The following BRINP2 variants were observed in gnomAD, a reference collection of about 807,000 sequenced individuals.
BRINP2 encodes the protein BMP/retinoic acid inducible neural specific 2, also known as BMP/retinoic acid-inducible neural-specific protein 2.
BRINP2 carries 21 observed loss-of-function variants against 69.2 expected under a neutral mutation model. The observed-to-expected ratio is 0.30, with a 90% CI of 0.22 to 0.44. BRINP2 has a LOEUF of 0.44. BRINP2 is among the 20% of genes least tolerant of loss of function. BRINP2 has a pLI of 1.00. For synonymous variants in BRINP2, 380 were observed against 394.1 expected (o/e 0.96, Z 0.42); for missense variants, 877 against 986.0 (o/e 0.89, Z 1.48).
chr1:177,200,046 C>T (rs965392852), intron 1 of BRINP2, among the ~76,000 whole-genome samples: 4 of 152,038 alleles, frequency 2.6e-5, no homozygotes, highest in African/African-American at 9.7e-5. Context: ...AATCCCAGCA[C>T]TTTGGGAGTC....
At chr1:177,255,388 C>T (rs890112860) in intron 2 of BRINP2, among the ~76,000 whole-genome samples, 9 of 152,126 alleles carry the variant, frequency 5.9e-5, no homozygotes, top group African/African-American at 2.2e-4. Context: ...AATGGTAAAT[C>T]TCAATAGCTC....
intron 7 of BRINP2, 81 bp downstream of exon 7, chr1:177,278,866 A>G: frequency 7.3e-7 from 1 of 1,375,252 alleles, no homozygotes; most frequent in Non-Finnish European, 1.0e-6. Context: ...CCTCTGTCCA[A>G]TGTAGGGGAT....
intron 1 of BRINP2, among the ~76,000 whole-genome samples, chr1:177,219,372 A>G (rs749022930): frequency 1.3e-4 from 20 of 152,324 alleles, no homozygotes; most frequent in African/African-American, 4.1e-4. Context: ...CAAACAAAGC[A>G]CTTAGTGGTG....
At chr1:177,199,959 T>C (rs1285611855) in intron 1 of BRINP2, among the ~76,000 whole-genome samples, 1 of 152,172 alleles carries the variant, frequency 6.6e-6, no homozygotes, top group Non-Finnish European at 1.5e-5. Context: ...TTCTGACCTC[T>C]GAACTGGTCT....
rs1649020125 is a variant in BRINP2 at position 177,204,673 on chromosome 1, T to C, written c.-76-25128T>C. Among the ~76,000 whole-genome samples, 3 of 151,974 alleles carry C rather than the reference T, an allele frequency of 2.0e-5. No homozygotes were observed. The South Asian group carries it at 6.2e-4, about 31-fold the overall frequency. ...ACCCCTGAACTACCATCTGAAACTC[T>C]TTCTCTTTTCTTGTCTCATTACAAA... On this transcript the variant is annotated intron_variant, in intron 1 of 7. Transcript: ENST00000361539.
At chr1:177,242,164 C>T (rs941417182) in intron 2 of BRINP2, among the ~76,000 whole-genome samples, 1 of 152,182 alleles carries the variant, frequency 6.6e-6, no homozygotes, top group African/African-American at 2.4e-5. Flanking sequence ...TATCGCAGAA[C>T]TGTCTTTCAA....
chr1:177,222,888 G>A (rs564727107), intron 1 of BRINP2, among the ~76,000 whole-genome samples: 7 of 152,106 alleles, frequency 4.6e-5, no homozygotes, highest in Non-Finnish European at 8.8e-5. Flanking sequence ...TCTCAGGGCC[G>A]CAAGGAGTGG....
chr1:177,208,714 C>G (rs1649132656), intron 1 of BRINP2, among the ~76,000 whole-genome samples: 1 of 152,096 alleles, frequency 6.6e-6, no homozygotes, highest in African/African-American at 2.4e-5. Context: ...ACAGTTATCA[C>G]AGTAAGTGCT....
intron 1 of BRINP2, among the ~76,000 whole-genome samples, chr1:177,226,362 T>C (rs1350122842): frequency 6.6e-6 from 1 of 152,084 alleles, no homozygotes; most frequent in Non-Finnish European, 1.5e-5. Context: ...AGGCAGGGTG[T>C]GATGTGACTC....
intron 1 of BRINP2, among the ~76,000 whole-genome samples, chr1:177,190,213 T>C (rs1228488123): frequency 6.6e-6 from 1 of 152,170 alleles, no homozygotes; most frequent in African/African-American, 2.4e-5. Flanking sequence ...CTCCAGACTT[T>C]CAGCGGAAAG....
At position 177,229,791 on chromosome 1, in the gene BRINP2, A is replaced by G; in HGVS notation, c.-76-10A>G. The G allele has an allele frequency of 6.7e-7, 1 of 1,495,564 alleles. No individual in the cohort carries two copies. The allele number at this position is 1,495,564 out of a possible 1,614,324, so 92.6% of individuals were successfully genotyped here. On this transcript the variant is annotated splice_polypyrimidine_tract_variant and intron_variant, in intron 1 of 7. Transcript: ENST00000361539. ...GTGCTCAAATGACAATGCCTTTTGT[A>G]CTTTTCCAGCTCCGAGCCCTGGAGG...
intron 4 of BRINP2, among the ~76,000 whole-genome samples, chr1:177,270,730 C>A: frequency 6.6e-6 from 1 of 152,164 alleles, no homozygotes; most frequent in Admixed American, 6.5e-5. Context: ...ACGGAGTGGG[C>A]AGCTTACCTG....
intron 1 of BRINP2, among the ~76,000 whole-genome samples, chr1:177,194,750 T>C (rs2102299052): frequency 6.9e-6 from 1 of 144,352 alleles, no homozygotes; most frequent in South Asian, 2.1e-4. Context: ...TGTAGGACTC[T>C]TAAGTGGCGA....
chr1:177,246,430 T>C (rs1212928201), intron 2 of BRINP2, among the ~76,000 whole-genome samples: 1 of 152,234 alleles, frequency 6.6e-6, no homozygotes, highest in African/African-American at 2.4e-5. Context: ...TAATAGTTGA[T>C]TAATGATATT....
intron 2 of BRINP2, among the ~76,000 whole-genome samples, chr1:177,235,766 A>G (rs1879563): frequency 0.58 from 88,056 of 152,042 alleles, 25,820 homozygotes; most frequent in South Asian, 0.64. Flanking sequence ...AGTGATTTCC[A>G]AGGTGTGCAT....
At chr1:177,245,313 T>A (rs999839938) in intron 2 of BRINP2, among the ~76,000 whole-genome samples, 1 of 151,964 alleles carries the variant, frequency 6.6e-6, no homozygotes, top group African/African-American at 2.4e-5. Context: ...AGGTGGAGCA[T>A]GTAGGCCTAG....
intron 7 of BRINP2, among the ~76,000 whole-genome samples, chr1:177,279,866 T>C (rs1037331435): frequency 2.0e-5 from 3 of 152,168 alleles, no homozygotes; most frequent in Non-Finnish European, 2.9e-5. Flanking sequence ...AGAATGAGTG[T>C]GGTGGTTCTT....
chr1:177,230,208 TG>T, intron 2 of BRINP2, 63 bp downstream of exon 2: 1 of 1,513,214 alleles, frequency 6.6e-7, no homozygotes, highest in South Asian at 1.3e-5. Flanking sequence ...CAGGCCCTGC[TG>T]GTGTGCTGGC....
rs933941732 is a variant in BRINP2, at chr1:177,194,827, T to C, written c.-77+23095T>C. ...TGAAGCATACTCATCAGGACCTGCA[T>C]GGCCCAGTAGTCTCTGGTCCCCTTA... On this transcript the variant is annotated intron_variant, in intron 1 of 7. Transcript: ENST00000361539. 1.4e-4 allele frequency among the ~76,000 whole-genome samples: 21 copies of C among 152,142 alleles called. 1 individual carries two copies. Among genetic ancestry groups the C allele is most frequent in the Non-Finnish European group, 1.0e-4 (7 of 68,026 alleles).
Sources: gnomAD v4.1 joint callset for allele counts (sites outside exome capture counted in the v4.1 genomes callset) on GRCh38, gnomAD v4.1.1 for gene constraint, MANE v1.5 for transcripts, NCBI Gene and HGNC (gene_info 2026-07-23, HGNC 2026-07-21) for gene names.